The following KAZN variants were observed in gnomAD, a reference collection of about 807,000 sequenced individuals.
The protein encoded by KAZN is kazrin.
A neutral mutation model predicts 87.4 loss-of-function variants in KAZN; 40 were observed. The observed-to-expected ratio is 0.46, with a 90% CI of 0.36 to 0.60. The LOEUF is 0.60. Ranked by LOEUF, KAZN falls within the 20% of genes least tolerant of loss-of-function variation. The probability of loss-of-function intolerance (pLI) is 0.00; values close to 1 mark genes in which losing one functional copy is unlikely to be tolerated. For missense variants in KAZN, 898 were observed against 1,073.9 expected (o/e 0.84, Z 2.29); for synonymous variants, 466 against 458.3 (o/e 1.02, Z -0.22).
intron 2 of KAZN, among the ~76,000 whole-genome samples, chr1:14,393,987 G>A (rs1441353381): frequency 6.6e-6 from 1 of 152,106 alleles, no homozygotes; most frequent in Non-Finnish European, 1.5e-5. Context: ...TGCTGTTAAG[G>A]ATTTGATGAT....
chr1:15,027,369 C>T (rs562393554), intron 2 of KAZN, among the ~76,000 whole-genome samples: 33 of 151,164 alleles, frequency 2.2e-4, no homozygotes, highest in Non-Finnish European at 3.8e-4. Flanking sequence ...CGTGAGCCAC[C>T]GCTCCCGGCC....
At chr1:14,360,499 G>T (rs1205503559) in intron 2 of KAZN, among the ~76,000 whole-genome samples, 1 of 152,054 alleles carries the variant, frequency 6.6e-6, no homozygotes, top group Non-Finnish European at 1.5e-5. Flanking sequence ...GAGGAGCTGT[G>T]ATCCTTTGGA....
At chr1:14,686,204 A>G (rs1489643521) in intron 1 of KAZN, among the ~76,000 whole-genome samples, 1 of 152,116 alleles carries the variant, frequency 6.6e-6, no homozygotes, top group Non-Finnish European at 1.5e-5. Flanking sequence ...GAGTAGCTGG[A>G]CTACAGACGT....
intron 2 of KAZN, among the ~76,000 whole-genome samples, chr1:14,576,643 A>G (rs1450452580): frequency 6.6e-6 from 1 of 152,218 alleles, no homozygotes; most frequent in Non-Finnish European, 1.5e-5. Flanking sequence ...GGTTTCTGTG[A>G]AAGTCTTATG....
chr1:14,783,275 T>A (rs1050905346), intron 1 of KAZN, among the ~76,000 whole-genome samples: 1 of 152,006 alleles, frequency 6.6e-6, no homozygotes, highest in Non-Finnish European at 1.5e-5. Context: ...ATGCAGGAAT[T>A]CATCCTAATA....
chr1:14,270,878 A>G lies in KAZN; in HGVS notation c.249+90286A>G, dbSNP rs569117905. Among the ~76,000 whole-genome samples, 6 of 152,176 alleles carry G rather than the reference A, an allele frequency of 3.9e-5. No individual in the cohort carries two copies. The South Asian group carries it at 1.2e-3, about 32-fold the overall frequency. ...TTTTACCCCTTCCATCCTCACTTGA[A>G]TAGTGCCTGGTAATGACACAGTTTG... On this transcript the variant is annotated intron_variant, in intron 2 of 16. Coordinates refer to the KAZN transcript ENST00000636203.
intron 2 of KAZN, among the ~76,000 whole-genome samples, chr1:14,458,165 T>C (rs1419857748): frequency 6.6e-6 from 1 of 152,196 alleles, no homozygotes; most frequent in Non-Finnish European, 1.5e-5. Flanking sequence ...ATGTTATAGT[T>C]TTTGTTGATA....
intron 1 of KAZN, among the ~76,000 whole-genome samples, chr1:14,829,185 T>G (rs1406383005): frequency 2.6e-5 from 4 of 152,214 alleles, no homozygotes; most frequent in Non-Finnish European, 5.9e-5. Context: ...GAGAAGACCA[T>G]GCCCCAAGTC....
intron 1 of KAZN, among the ~76,000 whole-genome samples, chr1:14,805,762 AAATAATAATAATAATAAT>A (rs146219963): frequency 0.015 from 2,194 of 143,010 alleles, 33 homozygotes; most frequent in African/African-American, 0.032. Context: ...CCCCATCTCA[AAATAATAATAATAATAAT>A]AATAATAATA....
intron 1 of KAZN, among the ~76,000 whole-genome samples, chr1:13,936,976 A>G (rs1351580024): frequency 1.3e-5 from 2 of 150,428 alleles, no homozygotes; most frequent in Non-Finnish European, 3.0e-5. Flanking sequence ...ATTTTTATGT[A>G]TGTTTTTTGG....
rs544767393 is a variant in KAZN, at chr1:14,711,341, C to CAAA, written c.226+112132_226+112134dup. On this transcript the variant is annotated intron_variant, in intron 1 of 14. Transcript: ENST00000376030. ...GGGCAATATAGAAAGACTCTGTTTC[C>CAAA]AAAAAAAAAAAAAAAATTGAGGGAA... Among the ~76,000 whole-genome samples, 1,038 of 114,780 alleles carry CAAA rather than the reference C, an allele frequency of 9.0e-3. 11 individuals are homozygous for CAAA. Among genetic ancestry groups the CAAA allele is most frequent in the African/African-American group, 0.03 (950 of 32,062 alleles). The allele number at this position is 114,780 out of a possible 152,430, so 75.3% of individuals were successfully genotyped here. A position where few individuals can be genotyped will look rare whatever the true frequency, so the allele number is the denominator to read the frequency against.
chr1:14,420,345 T>C (rs1367173322), intron 2 of KAZN, among the ~76,000 whole-genome samples: 1 of 152,230 alleles, frequency 6.6e-6, no homozygotes, highest in African/African-American at 2.4e-5. Flanking sequence ...AGGGTGCTGA[T>C]TGGTGCATTT....
At chr1:14,102,239 T>G (rs1644272826) in intron 1 of KAZN, among the ~76,000 whole-genome samples, 1 of 146,626 alleles carries the variant, frequency 6.8e-6, no homozygotes, top group South Asian at 2.4e-4. Flanking sequence ...GGGTCTCCAG[T>G]GCTGAGAGCA....
intron 1 of KAZN, among the ~76,000 whole-genome samples, chr1:14,642,694 A>T (rs1680497486): frequency 6.6e-6 from 1 of 152,226 alleles, no homozygotes; most frequent in Non-Finnish European, 1.5e-5. Flanking sequence ...GAAGATATTG[A>T]ATGTTCCCAA....
chr1:14,798,832 C>T (rs1432322541), intron 1 of KAZN, among the ~76,000 whole-genome samples: 1 of 152,010 alleles, frequency 6.6e-6, no homozygotes, highest in East Asian at 1.9e-4. Flanking sequence ...ATGATCTCGG[C>T]TCACTGCAGC....
intron 8 of KAZN, among the ~76,000 whole-genome samples, chr1:15,069,887 C>A: frequency 6.6e-6 from 1 of 152,168 alleles, no homozygotes; most frequent in East Asian, 1.9e-4. Context: ...ACGTTGCAGG[C>A]TAAAACAGCT....
At chr1:14,982,398 G>A (rs576938514) in intron 2 of KAZN, among the ~76,000 whole-genome samples, 100 of 149,604 alleles carry the variant, frequency 6.7e-4, no homozygotes, top group Middle Eastern at 3.5e-3. Flanking sequence ...AACTGGGGCC[G>A]CTGTTCTCAG....
At chr1:13,922,121 C>T (rs1029973075) in intron 1 of KAZN, among the ~76,000 whole-genome samples, 3 of 152,136 alleles carry the variant, frequency 2.0e-5, no homozygotes, top group Non-Finnish European at 2.9e-5. Flanking sequence ...GGTTTAGAAG[C>T]TCACCCTTAG....
intron 1 of KAZN, among the ~76,000 whole-genome samples, chr1:14,715,582 TGAG>T (rs1642750871): frequency 6.6e-6 from 1 of 152,176 alleles, no homozygotes; most frequent in Admixed American, 6.5e-5. Flanking sequence ...GGCTGGCAGA[TGAG>T]CCAGTAATGG....
Sources: gnomAD v4.1 joint callset for allele counts (sites outside exome capture counted in the v4.1 genomes callset) on GRCh38, gnomAD v4.1.1 for gene constraint, MANE v1.5 for transcripts, NCBI Gene and HGNC (gene_info 2026-07-23, HGNC 2026-07-21) for gene names.